PTCHD4: variants seen among roughly 807,000 people sequenced by gnomAD.
PTCHD4 encodes patched domain containing 4.
PTCHD4 carries 33 observed loss-of-function variants against 58.1 expected under a neutral mutation model. The observed-to-expected ratio is 0.57, with a 90% CI of 0.43 to 0.76. The LOEUF (loss-of-function observed/expected upper bound fraction) is 0.76, where lower values mean the gene tolerates loss of function less well. Ranked by LOEUF, PTCHD4 falls within the 30% of genes least tolerant of loss-of-function variation. PTCHD4 has a pLI of 0.00. For synonymous variants in PTCHD4, 478 were observed against 409.6 expected, an observed-to-expected ratio of 1.17 and a Z score of -2.02; for missense variants, 1,058 against 1,027.1, an observed-to-expected ratio of 1.03 and a Z score of -0.41.
chr6:47,866,413 A>G lies in PTCHD4; in HGVS notation c.*11890T>C, dbSNP rs1395743012. The stretch of plus-strand genomic sequence containing the variant: ...ACATCTCTCTAGGTCATTCCAAAGT[A>G]CAGCAAATTTTGAGAACCACTAGCT... On this transcript the variant is annotated 3_prime_UTR_variant, in exon 5 of 5. Coordinates refer to ENST00000339488, the MANE Select transcript of PTCHD4 (RefSeq NM_001384253.1). Among the ~76,000 whole-genome samples, 1 of 151,848 alleles carries G rather than the reference A, an allele frequency of 6.6e-6. No individual in the cohort carries two copies. The highest frequency in any genetic ancestry group is 1.5e-5 in the Non-Finnish European group (1 of 67,840).
At chr6:47,929,207 C>T (rs141710761) in intron 4 of PTCHD4, among the ~76,000 whole-genome samples, 4 of 151,866 alleles carry the variant, frequency 2.6e-5, no homozygotes, top group Admixed American at 1.3e-4. Flanking sequence ...GTAAAATAAT[C>T]CACATGTAAA....
intron 3 of PTCHD4, among the ~76,000 whole-genome samples, chr6:48,017,471 A>G (rs113490352): frequency 6.6e-4 from 100 of 152,306 alleles, no homozygotes; most frequent in African/African-American, 2.2e-3. Context: ...AGATTTCTGT[A>G]TTGCTGAAAT....
chr6:47,906,099 A>G lies in PTCHD4; in HGVS notation c.899-26163T>C, dbSNP rs544993935. On this transcript the variant is annotated intron_variant, in intron 4 of 4. Transcript: ENST00000339488. ...AAGTTGAAATACTTCACAGAAGTCC[A>G]GGATCTCACAAATGTACCCTGTCTT... Among the ~76,000 whole-genome samples the G allele has an allele frequency of 4.7e-4, 71 of 152,372 alleles. 1 individual carries two copies. In the South Asian group the frequency reaches 6.2e-3, roughly 13 times the overall value.
intron 4 of PTCHD4, among the ~76,000 whole-genome samples, chr6:47,881,396 T>C (rs575049662): frequency 1.2e-4 from 18 of 152,294 alleles, no homozygotes; most frequent in African/African-American, 4.1e-4. Context: ...TCATGTGACA[T>C]AGTTCTGGAC....
chr6:48,060,712 C>T (rs1001852868), intron 3 of PTCHD4, among the ~76,000 whole-genome samples: 4 of 152,138 alleles, frequency 2.6e-5, no homozygotes, highest in Admixed American at 6.5e-5. Context: ...TGGGCTCAAA[C>T]GATCCACCCA....
rs569046162 is a variant in PTCHD4 at position 47,859,301 on chromosome 6, C to T, written c.*19002G>A. Reference sequence around the variant, plus strand: ...GACAAGCTAGGATACGAGCACAGTCCCTGCTCTGCCAAAGGAAACCATGTC... The same window carrying T: ...GACAAGCTAGGATACGAGCACAGTCTCTGCTCTGCCAAAGGAAACCATGTC... On this transcript the variant is annotated 3_prime_UTR_variant, in exon 5 of 5. Coordinates refer to ENST00000339488, the MANE Select transcript of PTCHD4 (RefSeq NM_001384253.1). Among the ~76,000 whole-genome samples, 2 of 152,042 alleles carry T rather than the reference C, an allele frequency of 1.3e-5. No homozygotes were observed. Among genetic ancestry groups the T allele is most frequent in the South Asian group, 4.2e-4 (2 of 4,818 alleles).
chr6:47,944,294 G>T (rs145576364), intron 4 of PTCHD4, among the ~76,000 whole-genome samples: 29 of 152,122 alleles, frequency 1.9e-4, no homozygotes, highest in Non-Finnish European at 3.4e-4. Context: ...CATAAGTAAG[G>T]ATAACCCCTA....
At chr6:48,003,145 T>G (rs1045993574) in intron 4 of PTCHD4, among the ~76,000 whole-genome samples, 29 of 152,190 alleles carry the variant, frequency 1.9e-4, no homozygotes, top group African/African-American at 7.0e-4. Flanking sequence ...TGTCTTATTT[T>G]TTCATTTATA....
At chr6:47,938,544 T>A (rs1766098919) in intron 4 of PTCHD4, among the ~76,000 whole-genome samples, 1 of 152,174 alleles carries the variant, frequency 6.6e-6, no homozygotes, top group Admixed American at 6.5e-5. Context: ...GACCATCAAC[T>A]AAAGGCGATG....
intron 4 of PTCHD4, among the ~76,000 whole-genome samples, chr6:47,994,488 A>G (rs1446550624): frequency 6.6e-6 from 1 of 152,212 alleles, no homozygotes; most frequent in Non-Finnish European, 1.5e-5. Flanking sequence ...ATAGGCATGT[A>G]AACAAGGGTA....
At chr6:48,026,823 A>C (rs1763263304) in intron 3 of PTCHD4, among the ~76,000 whole-genome samples, 1 of 152,166 alleles carries the variant, frequency 6.6e-6, no homozygotes, top group African/African-American at 2.4e-5. Flanking sequence ...CCACAAGATT[A>C]CATATTGGGG....
Position 48,068,596 on chromosome 6 carries a change from C to T in PTCHD4, c.51G>A (p.Arg17=). The T allele has an allele frequency of 1.3e-6, 2 of 1,578,124 alleles. No homozygotes were observed. Among genetic ancestry groups the T allele is most frequent in the Non-Finnish European group, 8.6e-7 (1 of 1,166,242 alleles). ...ACTGGAGCCCTCTGCGAAGCACCTGCCGCAGCATCCTCCACCAGATCCAGC... is the reference window on the plus strand; with the variant it reads ...ACTGGAGCCCTCTGCGAAGCACCTGTCGCAGCATCCTCCACCAGATCCAGC... ...PASWIWWRML[R]QVLRRGLQSF... is the part of the protein sequence containing the mutation. Residue 17 remains arginine (R), a synonymous_variant, in exon 3 of 5, where the codon CGG becomes CGA. Coordinates refer to ENST00000339488, the MANE Select transcript of PTCHD4 (RefSeq NM_001384253.1). The surrounding 1 kb of genome is among the most constrained non-coding windows in gnomAD (Gnocchi z 4.2).
At chr6:47,955,625 A>G (rs1461402219) in intron 4 of PTCHD4, among the ~76,000 whole-genome samples, 1 of 152,232 alleles carries the variant, frequency 6.6e-6, no homozygotes, top group Non-Finnish European at 1.5e-5. Flanking sequence ...AAATCAGAAA[A>G]TCAGACATTT....
At chr6:47,959,419 G>A (rs1269165845) in intron 4 of PTCHD4, among the ~76,000 whole-genome samples, 2 of 152,166 alleles carry the variant, frequency 1.3e-5, no homozygotes, top group Non-Finnish European at 2.9e-5. Context: ...AACCCTGAAT[G>A]TCAGTGAGCA....
At chr6:48,043,817 C>T (rs1763934445) in intron 3 of PTCHD4, among the ~76,000 whole-genome samples, 1 of 151,832 alleles carries the variant, frequency 6.6e-6, no homozygotes, top group Non-Finnish European at 1.5e-5. Flanking sequence ...ATCAGATGCA[C>T]TGTAAAAGTT....
chr6:48,089,122 G>T (rs1004074780), intron 1 of PTCHD4, among the ~76,000 whole-genome samples: 3 of 152,088 alleles, frequency 2.0e-5, no homozygotes, highest in African/African-American at 7.2e-5. Flanking sequence ...GAAGACAGAG[G>T]TACACCAGTG....
chr6:48,075,760 T>C (rs1025582850), intron 1 of PTCHD4, among the ~76,000 whole-genome samples: 3 of 152,208 alleles, frequency 2.0e-5, no homozygotes, highest in Non-Finnish European at 4.4e-5. Context: ...TAAGAAATCC[T>C]TTATTGCTGA....
intron 3 of PTCHD4, among the ~76,000 whole-genome samples, chr6:48,041,887 T>A (rs897433620): frequency 4.6e-5 from 7 of 152,048 alleles, no homozygotes; most frequent in African/African-American, 1.7e-4. Flanking sequence ...AATGTTTATA[T>A]AACTAGTAAA....
chr6:48,107,264 T>C (rs928243604), intron 1 of PTCHD4, among the ~76,000 whole-genome samples: 1 of 152,010 alleles, frequency 6.6e-6, no homozygotes, highest in African/African-American at 2.4e-5. Flanking sequence ...TATAGACCAA[T>C]GGAACAGAAC....
Sources: gnomAD v4.1 joint callset for allele counts (sites outside exome capture counted in the v4.1 genomes callset) on GRCh38, gnomAD v4.1.1 for gene constraint, Gnocchi (gnomAD v3.1) non-coding constraint, MANE v1.5 for transcripts, NCBI Gene and HGNC (gene_info 2026-07-23, HGNC 2026-07-21) for gene names.